The following ITSN1 variants were observed in gnomAD, a reference collection of about 807,000 sequenced individuals.
ITSN1 encodes the protein intersectin-1.
A neutral mutation model predicts 239.8 loss-of-function variants in ITSN1; 58 were observed. The observed-to-expected ratio is 0.24, with a 90% CI of 0.20 to 0.30. ITSN1 has a LOEUF of 0.30. Ranked by LOEUF, ITSN1 falls within the 10% of genes least tolerant of loss-of-function variation. The pLI, the probability that ITSN1 is intolerant of heterozygous loss-of-function variation, is 1.00. For missense variants in ITSN1, 1,558 were observed against 2,103.3 expected (o/e 0.74, Z 5.07); for synonymous variants, 780 against 770.8 (o/e 1.01, Z -0.20).
At chr21:33,668,119 G>C (rs951649860) in intron 1 of ITSN1, among the ~76,000 whole-genome samples, 1 of 152,232 alleles carries the variant, frequency 6.6e-6, no homozygotes, top group African/African-American at 2.4e-5. Flanking sequence ...TTTGGAGCAA[G>C]ATGCATTTTC....
intron 29 of ITSN1, among the ~76,000 whole-genome samples, chr21:33,854,973 A>G (rs1272131892): frequency 6.6e-6 from 1 of 152,184 alleles, no homozygotes; most frequent in Non-Finnish European, 1.5e-5. Context: ...AGAAAGGACA[A>G]TTGGCCCAGA....
chr21:33,744,923 C>T (rs2067090056), intron 5 of ITSN1, among the ~76,000 whole-genome samples: 1 of 152,176 alleles, frequency 6.6e-6, no homozygotes, highest in Non-Finnish European at 1.5e-5. Context: ...GGGAAAGAAT[C>T]AGGCATTTAT....
intron 33 of ITSN1, among the ~76,000 whole-genome samples, chr21:33,869,688 T>C (rs535157779): frequency 1.9e-4 from 29 of 152,234 alleles, no homozygotes; most frequent in Middle Eastern, 3.4e-3. Context: ...CCACAGGGAG[T>C]ATAGCTCCTG....
At chr21:33,854,703 A>G (rs1978980652) in intron 29 of ITSN1, among the ~76,000 whole-genome samples, 1 of 152,168 alleles carries the variant, frequency 6.6e-6, no homozygotes. Context: ...AATAAAAGAC[A>G]ATCTATGCCC....
chr21:33,676,027 CT>C (rs1052610521), intron 1 of ITSN1, among the ~76,000 whole-genome samples: 10 of 150,042 alleles, frequency 6.7e-5, no homozygotes, highest in Non-Finnish European at 1.3e-4. Flanking sequence ...TATGATTTTC[CT>C]TTTTTTTGTT....
intron 1 of ITSN1, among the ~76,000 whole-genome samples, chr21:33,651,415 T>C (rs557625790): frequency 6.6e-6 from 1 of 152,354 alleles, no homozygotes; most frequent in South Asian, 2.1e-4. Context: ...CGTTTCTACC[T>C]AGCCTTCTGC....
At chr21:33,735,550 A>G (rs1347176633) in intron 5 of ITSN1, 4 of 271,820 alleles carry the variant, frequency 1.5e-5, no homozygotes, top group Non-Finnish European at 2.8e-5. Context: ...TTCGGTTTCC[A>G]TAATGTCTGT....
chr21:33,747,316 A>G (rs1353604195), intron 5 of ITSN1, among the ~76,000 whole-genome samples: 1 of 152,242 alleles, frequency 6.6e-6, no homozygotes, highest in Non-Finnish European at 1.5e-5. Flanking sequence ...GATTGAAAAA[A>G]AATAACAAAG....
intron 5 of ITSN1, among the ~76,000 whole-genome samples, chr21:33,737,090 C>G (rs2066549809): frequency 6.6e-6 from 1 of 152,204 alleles, no homozygotes; most frequent in Non-Finnish European, 1.5e-5. Context: ...ACTAGAGGCA[C>G]CCCATTTCTC....
At chr21:33,851,239 C>G (rs1978302218) in intron 29 of ITSN1, among the ~76,000 whole-genome samples, 1 of 152,072 alleles carries the variant, frequency 6.6e-6, no homozygotes, top group Non-Finnish European at 1.5e-5. Context: ...TGCTGGTGCC[C>G]ATAGCCCCCA....
In ITSN1 at chr21:33,886,460, G is replaced by A; in HGVS notation, c.5017G>A (p.Asp1673Asn). The A allele has an allele frequency of 1.9e-6, 3 of 1,570,132 alleles. No individual in the cohort carries two copies. Among genetic ancestry groups the A allele is most frequent in the Non-Finnish European group, 2.6e-6 (3 of 1,157,654 alleles). Residue 1673 changes from aspartate (D) to asparagine (N), a missense_variant and splice_region_variant, in exon 39 of 40, where the codon GAT becomes AAT. Physicochemically the swap from Asp to Asn is conservative, Grantham distance 23. Coordinates refer to ENST00000381318, the MANE Select transcript of ITSN1 (RefSeq NM_003024.3). Reference sequence around the variant, plus strand: ...CGAGAGGGACCAGTTCTCACCAGATGGTGAGTGGAACGCGGCCCTGTGGTT... The same window carrying A: ...CGAGAGGGACCAGTTCTCACCAGATAGTGAGTGGAACGCGGCCCTGTGGTT... ...VFERDQFSPDDFLGRTEIRVA... is the reference protein window; with the variant it reads ...VFERDQFSPDNFLGRTEIRVA...
chr21:33,728,026 G>C (rs367598921), intron 4 of ITSN1, among the ~76,000 whole-genome samples: 4 of 150,718 alleles, frequency 2.7e-5, no homozygotes, highest in Non-Finnish European at 5.9e-5. Flanking sequence ...GGGCAGTGGC[G>C]CAATCTGGGC....
rs186998794 is a variant in ITSN1, at chr21:33,759,065, T to C, written c.725-2858T>C. ...TAATTGTGATCTTCTAGTGTGGGGA[T>C]TGGCAAACATTTTCTGTAAAGAATA... On this transcript the variant is annotated intron_variant, in intron 8 of 39. Coordinates refer to ENST00000381318, the MANE Select transcript of ITSN1 (RefSeq NM_003024.3). Among the ~76,000 whole-genome samples the C allele has an allele frequency of 2.6e-5, 4 of 152,352 alleles. No homozygotes were observed. In the East Asian group the frequency reaches 5.8e-4, roughly 22 times the overall value.
Position 33,691,026 on chromosome 21 carries a change from C to T in ITSN1, c.-32-27771C>T, listed in dbSNP as rs573317057. Reference sequence around the variant, plus strand: ...GCTGTGTGAACTTCTCTTCATCCTTCGTAGGCTGGTGGCCTTTCTTCCATG... The same window carrying T: ...GCTGTGTGAACTTCTCTTCATCCTTTGTAGGCTGGTGGCCTTTCTTCCATG... On this transcript the variant is annotated intron_variant, in intron 1 of 39. Transcript: ENST00000381318. Among the ~76,000 whole-genome samples the T allele has an allele frequency of 7.3e-5, 11 of 151,412 alleles. No homozygotes were observed. The South Asian group carries it at 1.3e-3, about 17-fold the overall frequency.
intron 29 of ITSN1, among the ~76,000 whole-genome samples, chr21:33,852,099 A>G (rs1978433921): frequency 6.6e-6 from 1 of 151,962 alleles, no homozygotes; most frequent in Admixed American, 6.6e-5. Context: ...CTTGCTATTA[A>G]TATTTTTAAT....
At chr21:33,709,354 G>C (rs1380511768) in intron 1 of ITSN1, among the ~76,000 whole-genome samples, 1 of 152,070 alleles carries the variant, frequency 6.6e-6, no homozygotes, top group Non-Finnish European at 1.5e-5. Context: ...TTGTGTGTTT[G>C]TTTGAGACGG....
At chr21:33,743,824 G>T (rs1002655623) in intron 5 of ITSN1, among the ~76,000 whole-genome samples, 1 of 152,200 alleles carries the variant, frequency 6.6e-6, no homozygotes, top group East Asian at 1.9e-4. Flanking sequence ...CTTTCTGCTA[G>T]AAGAAAATGG....
rs899657024 is a variant in ITSN1 at position 33,782,055 on chromosome 21, A to C, written c.1746A>C (p.Leu582=). 3 of 1,613,712 alleles carry C rather than the reference A, an allele frequency of 1.9e-6. No individual in the cohort carries two copies. In the African/African-American group the frequency reaches 4.0e-5, roughly 22 times the overall value. ...LEAKELARQH[L]RDQLDEVEKE... The stretch of plus-strand genomic sequence containing the variant: ...CAAAAGAACTAGCTCGGCAGCACCT[A>C]CGAGACCAACTGGATGAAGTGGAGA... Residue 582 remains leucine (L), a synonymous_variant, in exon 16 of 40, where the codon CTA becomes CTC. Transcript: ENST00000381318.
intron 34 of ITSN1, among the ~76,000 whole-genome samples, chr21:33,876,519 C>T (rs576399664): frequency 6.6e-6 from 1 of 152,322 alleles, no homozygotes; most frequent in Non-Finnish European, 1.5e-5. Flanking sequence ...TGCATGCCAC[C>T]ATGCCCAGCT....
Sources: gnomAD v4.1 joint callset for allele counts (sites outside exome capture counted in the v4.1 genomes callset) on GRCh38, gnomAD v4.1.1 for gene constraint, MANE v1.5 for transcripts, NCBI Gene and HGNC (gene_info 2026-07-23, HGNC 2026-07-21) for gene names.